Variants in KLF8 observed in about 807,000 individuals in gnomAD.
The protein encoded by KLF8 is KLF transcription factor 8, also known as Krueppel-like factor 8.
Under a neutral mutation model 18.2 loss-of-function variants are expected in KLF8, and 10 were observed. The observed-to-expected ratio is 0.55, with a 90% CI of 0.34 to 0.93. The LOEUF is 0.93. KLF8 is among the 40% of genes least tolerant of loss of function. The probability of loss-of-function intolerance (pLI) is 0.02; values close to 1 mark genes in which losing one functional copy is unlikely to be tolerated. For missense variants in KLF8, 264 were observed against 277.9 expected, an observed-to-expected ratio of 0.95 and a Z score of 0.36; for synonymous variants, 109 against 97.3, an observed-to-expected ratio of 1.12 and a Z score of -0.71.
At chrX:56,176,891 G>A in the KLF8 span, among the ~76,000 whole-genome samples, 24 of 111,549 alleles carry the variant, frequency 2.2e-4, no homozygotes, top group African/African-American at 1.6e-4. Context: ...CCAGTTGATC[G>A]AATCAGCTAC....
the KLF8 span, among the ~76,000 whole-genome samples, chrX:56,184,512 A>G: frequency 2.7e-5 from 3 of 112,424 alleles, no homozygotes; most frequent in African/African-American, 9.7e-5. Flanking sequence ...ACAACTTTGA[A>G]GAGAGCAGTG....
chrX:55,913,204 T>C, the KLF8 span, among the ~76,000 whole-genome samples: 12 of 111,753 alleles, frequency 1.1e-4, no homozygotes, highest in African/African-American at 3.9e-4. Flanking sequence ...CTTGCCTCTC[T>C]ACTACATTCA....
At chrX:56,218,652 C>G in the KLF8 span, among the ~76,000 whole-genome samples, 1 of 112,178 alleles carries the variant, frequency 8.9e-6, no homozygotes, top group Admixed American at 9.4e-5. Flanking sequence ...TCTTGCTTTA[C>G]AGTAACTAGT....
chrX:56,232,309 C>A (rs1256450629), upstream of KLF8: 6 of 103,752 alleles, frequency 5.8e-5, no homozygotes, highest in African/African-American at 2.1e-4. Context: ...CCCACCCCCT[C>A]CTTCCTCCCT....
chrX:56,139,105 G>T, the KLF8 span, among the ~76,000 whole-genome samples: 1 of 111,298 alleles, frequency 9.0e-6, no homozygotes, highest in Non-Finnish European at 1.9e-5. Flanking sequence ...GGATGTGAAA[G>T]AAATTTTGTA....
At chrX:56,006,081 G>A in the KLF8 span, among the ~76,000 whole-genome samples, 1 of 112,249 alleles carries the variant, frequency 8.9e-6, no homozygotes, top group Admixed American at 9.4e-5. Flanking sequence ...GTCCCCTTAA[G>A]GCTAAAGTCT....
chrX:56,077,085 G>A, the KLF8 span, among the ~76,000 whole-genome samples: 1 of 111,491 alleles, frequency 9.0e-6, no homozygotes, highest in Non-Finnish European at 1.9e-5. Flanking sequence ...CTCCCATTTT[G>A]TAGGTTGCCT....
the KLF8 span, among the ~76,000 whole-genome samples, chrX:56,171,566 C>T: frequency 9.0e-6 from 1 of 110,821 alleles, no homozygotes; most frequent in Non-Finnish European, 1.9e-5. Context: ...TGTTCCCCAC[C>T]CTGTGTCCAA....
In KLF8 at chrX:56,289,507, C is replaced by A. The variant is rs1440695960; in HGVS notation, c.*5013C>A. ...GTGTGTATACTATCCTATGTATATGCACATTCTATAAATATTTCTATATGT... is the reference window on the plus strand; with the variant it reads ...GTGTGTATACTATCCTATGTATATGAACATTCTATAAATATTTCTATATGT... On this transcript the variant is annotated 3_prime_UTR_variant, in exon 6 of 6. Coordinates refer to ENST00000468660, the MANE Select transcript of KLF8 (RefSeq NM_007250.5). 2.7e-5 allele frequency among the ~76,000 whole-genome samples: 3 copies of A among 111,707 alleles called. No homozygotes were observed. In the East Asian group the frequency reaches 8.3e-4, roughly 31 times the overall value.
At chrX:56,171,547 G>A in the KLF8 span, among the ~76,000 whole-genome samples, 99 of 109,843 alleles carry the variant, frequency 9.0e-4, no homozygotes, top group Admixed American at 3.8e-3. Flanking sequence ...AACAGGCCCC[G>A]GTGTGTGATG....
chrX:56,136,444 A>G, the KLF8 span, among the ~76,000 whole-genome samples: 3 of 110,882 alleles, frequency 2.7e-5, no homozygotes, highest in African/African-American at 9.9e-5. Context: ...CTCAGAAATA[A>G]CGCCGCATAT....
chrX:56,020,264 G>A, the KLF8 span, among the ~76,000 whole-genome samples: 2 of 111,522 alleles, frequency 1.8e-5, no homozygotes, highest in Non-Finnish European at 1.9e-5. Flanking sequence ...GGAAAAAAAA[G>A]GAAAGATTGT....
At chrX:56,053,449 T>C in the KLF8 span, among the ~76,000 whole-genome samples, 1 of 111,145 alleles carries the variant, frequency 9.0e-6, no homozygotes, top group African/African-American at 3.3e-5. Context: ...TCAATTTTCA[T>C]CAAGGATATT....
Position 56,233,325 on chromosome X carries a change from A to G in KLF8, c.-10A>G. The G allele has an allele frequency of 6.7e-6, 8 of 1,200,210 alleles. No individual in the cohort carries two copies. The highest frequency in any genetic ancestry group is 9.0e-6 in the Non-Finnish European group (8 of 885,104). On this transcript the variant is annotated 5_prime_UTR_variant, in exon 1 of 6. Transcript: ENST00000468660. ...AGTTCTGGACACTTCAGGAGTCCTC[A>G]GCTAGTGACATGGTCGGTAAGTGAC... is the stretch of plus-strand genomic sequence containing the variant.
In KLF8 at chrX:56,290,284, C is replaced by CA. The variant is rs1489672326; in HGVS notation, c.*5795dup. On this transcript the variant is annotated 3_prime_UTR_variant, in exon 6 of 6. Coordinates refer to ENST00000468660, the MANE Select transcript of KLF8 (RefSeq NM_007250.5). The stretch of plus-strand genomic sequence containing the variant: ...GAGGCTTCTCATAAATTGATTTTGG[C>CA]AAAAATGAAAGATCTTTAAGTGAAC... Among the ~76,000 whole-genome samples, 1 of 111,071 alleles carries CA rather than the reference C, an allele frequency of 9.0e-6. No homozygotes were observed.
At chrX:56,032,132 G>T in the KLF8 span, among the ~76,000 whole-genome samples, 101 of 110,878 alleles carry the variant, frequency 9.1e-4, no homozygotes, top group Admixed American at 3.2e-3. Flanking sequence ...CCTGCCTTTG[G>T]TTTCCACTTC....
chrX:55,945,302 A>G, the KLF8 span, among the ~76,000 whole-genome samples: 1 of 111,091 alleles, frequency 9.0e-6, no homozygotes, highest in East Asian at 2.8e-4. Flanking sequence ...AAAAATGTAT[A>G]TTCTGTTGAT....
At chrX:55,977,744 A>G in the KLF8 span, among the ~76,000 whole-genome samples, 1 of 111,180 alleles carries the variant, frequency 9.0e-6, no homozygotes, top group Non-Finnish European at 1.9e-5. Context: ...AAAGGGGGAG[A>G]TATTATTTGA....
At chrX:55,930,325 G>A in the KLF8 span, among the ~76,000 whole-genome samples, 63 of 111,863 alleles carry the variant, frequency 5.6e-4, no homozygotes, top group African/African-American at 2.0e-3. Context: ...CATGCTATCT[G>A]CAAACCCAGA....
Sources: gnomAD v4.1 joint callset for allele counts (sites outside exome capture counted in the v4.1 genomes callset) on GRCh38, gnomAD v4.1.1 for gene constraint, MANE v1.5 for transcripts, NCBI Gene and HGNC (gene_info 2026-07-23, HGNC 2026-07-21) for gene names.